Variants in GPM6A observed in about 807,000 individuals in gnomAD.
The protein encoded by GPM6A is neuronal membrane glycoprotein M6-a.
GPM6A carries 7 observed loss-of-function variants against 32.1 expected under a neutral mutation model. The ratio of observed to expected loss-of-function variants is 0.22; its 90% CI spans 0.12 to 0.41. GPM6A has a LOEUF of 0.41. Ranked by LOEUF, GPM6A falls within the 10% of genes least tolerant of loss-of-function variation. The probability of loss-of-function intolerance (pLI) is 1.00; values close to 1 mark genes in which losing one functional copy is unlikely to be tolerated. For missense variants in GPM6A, 235 were observed against 347.2 expected (o/e 0.68, Z 2.57); for synonymous variants, 130 against 123.4 (o/e 1.05, Z -0.35).
At chr4:175,777,365 C>T (rs1039313786) in intron 1 of GPM6A, among the ~76,000 whole-genome samples, 1 of 151,950 alleles carries the variant, frequency 6.6e-6, no homozygotes, top group African/African-American at 2.4e-5. Context: ...TATTATAATA[C>T]AGAGTAGACA....
intron 1 of GPM6A, among the ~76,000 whole-genome samples, chr4:175,924,731 T>C (rs1738776253): frequency 6.6e-6 from 1 of 151,696 alleles, no homozygotes; most frequent in South Asian, 2.1e-4. Context: ...TTCCAGCTAC[T>C]TGGGAGGCTG....
At chr4:175,991,158 T>C (rs1741128617) in intron 1 of GPM6A, among the ~76,000 whole-genome samples, 1 of 151,370 alleles carries the variant, frequency 6.6e-6, no homozygotes, top group African/African-American at 2.4e-5. Flanking sequence ...TTCTGCCTCC[T>C]GGGTTCAAAC....
At position 175,682,493 on chromosome 4, in the gene GPM6A, C is replaced by T. The variant is rs530086931; in HGVS notation, c.231-8657G>A. ...GGAAAAAGAGCAAAGTACTAATATC[C>T]AAGACAATGGAGAACAGGCCTTGAA... On this transcript the variant is annotated intron_variant, in intron 2 of 6. Transcript: ENST00000393658. Among the ~76,000 whole-genome samples the T allele has an allele frequency of 4.0e-4, 61 of 152,212 alleles. 1 individual carries two copies. The highest frequency in any genetic ancestry group is 1.5e-3 in the African/African-American group (61 of 41,540).
chr4:175,899,114 C>A (rs1495712), intron 1 of GPM6A, among the ~76,000 whole-genome samples: 1 of 151,904 alleles, frequency 6.6e-6, no homozygotes, highest in Non-Finnish European at 1.5e-5. Context: ...CACCCACAGA[C>A]GAATTATTTG....
rs530786255 is a variant in GPM6A, at chr4:175,898,441, T to C, written c.-22-86192A>G. ...GGGTTTGTTTATGGTACATCTTTTA[T>C]GGAAACATTTGTCTGATTTCCCTCT... is the stretch of plus-strand genomic sequence containing the variant. On this transcript the variant is annotated intron_variant, in intron 1 of 7. Transcript: ENST00000280187. 6.6e-5 allele frequency among the ~76,000 whole-genome samples: 10 copies of C among 152,320 alleles called. No homozygotes were observed. The East Asian group carries it at 9.7e-4, about 15-fold the overall frequency.
Position 175,818,240 on chromosome 4 carries a change from T to C in GPM6A, c.-22-5991A>G, listed in dbSNP as rs575899319. Among the ~76,000 whole-genome samples, 3 of 152,320 alleles carry C rather than the reference T, an allele frequency of 2.0e-5. No homozygotes were observed. In the South Asian group the frequency reaches 6.2e-4, roughly 32 times the overall value. The stretch of plus-strand genomic sequence containing the variant: ...TTCATCTCCTTCTAATTTCTTAAAA[T>C]TGTCCATTTGTGAATGTTGTTTCTT... On this transcript the variant is annotated intron_variant, in intron 1 of 7. Coordinates refer to the GPM6A transcript ENST00000280187.
chr4:175,757,848 A>G (rs1190213819), intron 1 of GPM6A, among the ~76,000 whole-genome samples: 1 of 152,180 alleles, frequency 6.6e-6, no homozygotes, highest in Non-Finnish European at 1.5e-5. Flanking sequence ...CATTCATAGA[A>G]CCCGAATAAG....
At chr4:175,756,798 A>G (rs1237258137) in intron 1 of GPM6A, among the ~76,000 whole-genome samples, 2 of 152,160 alleles carry the variant, frequency 1.3e-5, no homozygotes, top group Non-Finnish European at 2.9e-5. Context: ...ACTCTAGGTG[A>G]TAAGCAATAG....
At chr4:175,773,722 G>C (rs1393207305) in intron 1 of GPM6A, among the ~76,000 whole-genome samples, 1 of 152,098 alleles carries the variant, frequency 6.6e-6, no homozygotes, top group Non-Finnish European at 1.5e-5. Context: ...CATAAAACCT[G>C]TATACCTCAG....
intron 1 of GPM6A, among the ~76,000 whole-genome samples, chr4:175,831,443 T>C (rs529506201): frequency 2.6e-5 from 4 of 152,342 alleles, no homozygotes; most frequent in East Asian, 1.9e-4. Context: ...CAGTAATTTA[T>C]TTTGAACAGA....
intron 1 of GPM6A, among the ~76,000 whole-genome samples, chr4:175,938,253 G>C (rs1386443792): frequency 6.6e-6 from 1 of 152,062 alleles, no homozygotes; most frequent in African/African-American, 2.4e-5. Flanking sequence ...CCAACACATA[G>C]AAATAACAAA....
intron 1 of GPM6A, among the ~76,000 whole-genome samples, chr4:175,970,364 G>C (rs766626837): frequency 6.6e-6 from 1 of 152,048 alleles, no homozygotes; most frequent in Non-Finnish European, 1.5e-5. Flanking sequence ...ACACAGTAAA[G>C]TGAACTTCCA....
At chr4:175,674,449 T>G (rs903433144) in intron 2 of GPM6A, among the ~76,000 whole-genome samples, 1 of 152,174 alleles carries the variant, frequency 6.6e-6, no homozygotes, top group Non-Finnish European at 1.5e-5. Flanking sequence ...TGCTAGGATT[T>G]CAGGCTGAGC....
chr4:175,903,079 G>C (rs949847639), intron 1 of GPM6A, among the ~76,000 whole-genome samples: 1 of 152,042 alleles, frequency 6.6e-6, no homozygotes, highest in Non-Finnish European at 1.5e-5. Context: ...TTCACTAAAA[G>C]AAACCACGGC....
upstream of GPM6A, chr4:175,813,172 G>T: frequency 1.5e-6 from 1 of 654,478 alleles, no homozygotes; most frequent in Non-Finnish European, 1.9e-6. Flanking sequence ...GGTTTCCAAT[G>T]AGAATCTCTT....
intron 3 of GPM6A, among the ~76,000 whole-genome samples, chr4:175,654,656 C>T (rs974572301): frequency 3.3e-5 from 5 of 152,058 alleles, no homozygotes; most frequent in South Asian, 2.1e-4. Context: ...AATGAGCTCT[C>T]TCTCTAGAAG....
intron 1 of GPM6A, among the ~76,000 whole-genome samples, chr4:175,753,132 C>A (rs2643991): frequency 0.85 from 129,655 of 152,116 alleles, 55,444 homozygotes; most frequent in African/African-American, 0.88. Context: ...ACAATCCCAG[C>A]GATTTTCAAC....
At chr4:175,853,552 C>A (rs1579568824) in intron 1 of GPM6A, among the ~76,000 whole-genome samples, 1 of 139,866 alleles carries the variant, frequency 7.1e-6, no homozygotes, top group South Asian at 2.3e-4. Context: ...ACAATGAGAT[C>A]AAGAAGTAAG....
At chr4:175,683,976 C>T (rs1054487418) in intron 2 of GPM6A, among the ~76,000 whole-genome samples, 1 of 151,846 alleles carries the variant, frequency 6.6e-6, no homozygotes, top group Non-Finnish European at 1.5e-5. Flanking sequence ...GGATTACAGC[C>T]GTGCACCACC....
Sources: allele counts gnomAD v4.1 joint callset (sites outside exome capture counted in the v4.1 genomes callset), GRCh38; gene constraint gnomAD v4.1.1; transcripts MANE v1.5; gene names NCBI Gene and HGNC (gene_info 2026-07-23, HGNC 2026-07-21).